ACTR3C: variants seen among roughly 807,000 people sequenced by gnomAD.
ACTR3C encodes the protein actin related protein 3C, also known as actin-related protein 3C.
A neutral mutation model predicts 26.3 loss-of-function variants in ACTR3C; 18 were observed. The observed-to-expected ratio is 0.68, with a 90% CI of 0.47 to 1.01. ACTR3C has a LOEUF of 1.01. Among genes scored for constraint, ACTR3C ranks in the 50% least tolerant of loss-of-function variants. ACTR3C has a pLI of 0.00. For missense variants in ACTR3C, 184 were observed against 250.7 expected (o/e 0.73, Z 1.80); for synonymous variants, 55 against 94.5 (o/e 0.58, Z 2.42).
At chr7:149,946,110 G>A in the ACTR3C span, among the ~76,000 whole-genome samples, 37 of 152,326 alleles carry the variant, frequency 2.4e-4, no homozygotes, top group Middle Eastern at 3.4e-3. Context: ...CTCAGAGTCC[G>A]CGTCTGCATG....
At chr7:150,123,192 C>A in the ACTR3C span, among the ~76,000 whole-genome samples, 3,852 of 151,924 alleles carry the variant, frequency 0.025, 182 homozygotes, top group African/African-American at 0.086. Context: ...ACATAACAAA[C>A]TGCACATTCT....
chr7:150,199,091 C>G, the ACTR3C span, among the ~76,000 whole-genome samples: 11 of 149,960 alleles, frequency 7.3e-5, no homozygotes, highest in African/African-American at 1.3e-4. Flanking sequence ...GGCCGCCCCC[C>G]CGTCTGGGAG....
intron 3 of ACTR3C, among the ~76,000 whole-genome samples, chr7:150,290,786 C>A (rs1836185611): frequency 6.6e-6 from 1 of 152,154 alleles, no homozygotes; most frequent in South Asian, 2.1e-4. Context: ...TCAACTTAAA[C>A]CCATAAAAAT....
chr7:149,900,702 T>G, the ACTR3C span, among the ~76,000 whole-genome samples: 3 of 152,150 alleles, frequency 2.0e-5, no homozygotes, highest in African/African-American at 7.2e-5. Flanking sequence ...GTGAATCTCA[T>G]GAGATTCAAT....
At chr7:149,881,387 G>C in the ACTR3C span, 1 of 153,092 alleles carries the variant, frequency 6.5e-6, no homozygotes, top group Non-Finnish European at 1.5e-5. Context: ...TAGGGCCCCT[G>C]GTGGAAGTGG....
At chr7:150,313,920 G>A (rs1475231560) in intron 1 of ACTR3C, among the ~76,000 whole-genome samples, 1 of 152,194 alleles carries the variant, frequency 6.6e-6, no homozygotes, top group African/African-American at 2.4e-5. Context: ...AAGGGACTTG[G>A]GGACTGTGAA....
chr7:150,040,832 C>G, the ACTR3C span, among the ~76,000 whole-genome samples: 3 of 147,746 alleles, frequency 2.0e-5, no homozygotes, highest in Admixed American at 1.3e-4. Flanking sequence ...ATGGGGGTCA[C>G]AAGAGCCAGA....
the ACTR3C span, among the ~76,000 whole-genome samples, chr7:149,956,597 G>C: frequency 6.6e-6 from 1 of 152,184 alleles, no homozygotes; most frequent in African/African-American, 2.4e-5. Context: ...GACATTTGCT[G>C]TGTCTTTCAT....
the ACTR3C span, among the ~76,000 whole-genome samples, chr7:150,056,278 C>A: frequency 6.6e-6 from 1 of 152,228 alleles, no homozygotes; most frequent in Non-Finnish European, 1.5e-5. Context: ...CAGTGCAAAA[C>A]CCTGATTCAT....
At chr7:150,207,304 G>A in the ACTR3C span, among the ~76,000 whole-genome samples, 1 of 151,940 alleles carries the variant, frequency 6.6e-6, no homozygotes, top group African/African-American at 2.4e-5. Context: ...AGTGTCCCTG[G>A]GTATTTTATT....
intron 1 of ACTR3C, among the ~76,000 whole-genome samples, chr7:150,315,727 C>G (rs533043485): frequency 2.0e-5 from 3 of 152,192 alleles, no homozygotes; most frequent in South Asian, 4.2e-4. Flanking sequence ...CAGAGAGACT[C>G]TAGCATGTAG....
intron 1 of ACTR3C, among the ~76,000 whole-genome samples, chr7:150,298,459 G>C (rs1292210419): frequency 1.3e-5 from 2 of 149,412 alleles, no homozygotes; most frequent in Non-Finnish European, 1.5e-5. Context: ...AAACTGACTG[G>C]GATCAAATCC....
chr7:150,315,381 C>T (rs951829538), intron 1 of ACTR3C, among the ~76,000 whole-genome samples: 6 of 151,968 alleles, frequency 3.9e-5, no homozygotes, highest in African/African-American at 7.2e-5. Flanking sequence ...GATATGCAGC[C>T]GAAGATGCTA....
At chr7:150,227,688 G>GTTTTTTTTTTTTTTTT in the ACTR3C span, among the ~76,000 whole-genome samples, 68 of 111,360 alleles carry the variant, frequency 6.1e-4, 1 homozygote, top group African/African-American at 1.7e-3. Context: ...TTGTGTCTGG[G>GTTTTTTTTTTTTTTTT]TTTTTTTTTT....
chr7:149,883,258 T>C, the ACTR3C span, among the ~76,000 whole-genome samples: 1 of 152,166 alleles, frequency 6.6e-6, no homozygotes, highest in Non-Finnish European at 1.5e-5. Flanking sequence ...TGGTCCAGTC[T>C]CTTGGTGCAG....
chr7:150,230,904 TATCA>T, the ACTR3C span, among the ~76,000 whole-genome samples: 1 of 147,106 alleles, frequency 6.8e-6, no homozygotes, highest in African/African-American at 2.7e-5. Context: ...ACTAGAGATT[TATCA>T]ATCAATTTTA....
At chr7:149,991,080 G>A in the ACTR3C span, among the ~76,000 whole-genome samples, 1 of 152,160 alleles carries the variant, frequency 6.6e-6, no homozygotes, top group African/African-American at 2.4e-5. Flanking sequence ...GGCTGGGGAG[G>A]CCTCACAATC....
At chr7:150,092,602 C>T in the ACTR3C span, among the ~76,000 whole-genome samples, 1 of 150,268 alleles carries the variant, frequency 6.7e-6, no homozygotes, top group Non-Finnish European at 1.5e-5. Context: ...TATTTAGATT[C>T]ATTGCCTTAC....
the ACTR3C span, among the ~76,000 whole-genome samples, chr7:150,029,830 T>C: frequency 6.6e-6 from 1 of 151,980 alleles, no homozygotes; most frequent in Non-Finnish European, 1.5e-5. Flanking sequence ...CCCTGAATAC[T>C]CTGAGCTCTC....
Sources: gnomAD v4.1 joint callset for allele counts (sites outside exome capture counted in the v4.1 genomes callset) on GRCh38, gnomAD v4.1.1 for gene constraint, MANE v1.5 for transcripts, NCBI Gene and HGNC (gene_info 2026-07-23, HGNC 2026-07-21) for gene names.